The following REDIC1 variants were observed in gnomAD, a reference collection of about 807,000 sequenced individuals.
REDIC1 encodes the protein HEI10 Interacting Protein 1.
At chr12:39,714,270 T>TTTATATATATATACGTATATACATGC in the REDIC1 span, among the ~76,000 whole-genome samples, 3 of 118,054 alleles carry the variant, frequency 2.5e-5, no homozygotes, top group Admixed American at 8.2e-5. Context: ...TGCATATATG[T>TTTATATATATATACGTATATACATGC]ATATATGTAT....
the REDIC1 span, among the ~76,000 whole-genome samples, chr12:39,767,613 A>T: frequency 6.6e-6 from 1 of 152,038 alleles, no homozygotes; most frequent in South Asian, 2.1e-4. Flanking sequence ...AGGCAGTTTC[A>T]TCTACATTGA....
the REDIC1 span, among the ~76,000 whole-genome samples, chr12:39,664,332 T>A: frequency 8.6e-5 from 13 of 151,498 alleles, no homozygotes; most frequent in African/African-American, 3.2e-4. Flanking sequence ...GGTGTTTGGT[T>A]TATTGTCCTT....
chr12:39,837,811 G>T, the REDIC1 span, among the ~76,000 whole-genome samples: 30 of 152,112 alleles, frequency 2.0e-4, no homozygotes, highest in African/African-American at 6.8e-4. Flanking sequence ...ACACCAGTTA[G>T]AATGGCAATC....
At chr12:39,850,129 C>T in the REDIC1 span, among the ~76,000 whole-genome samples, 1 of 152,096 alleles carries the variant, frequency 6.6e-6, no homozygotes, top group South Asian at 2.1e-4. Context: ...CTCCTTTCTC[C>T]TCAGCCTTGG....
the REDIC1 span, among the ~76,000 whole-genome samples, chr12:39,664,755 A>T: frequency 1.3e-5 from 2 of 152,152 alleles, no homozygotes; most frequent in Non-Finnish European, 2.9e-5. Flanking sequence ...CTGGCTTTTT[A>T]ATAATCGCCA....
At chr12:39,896,300 ATATGTATACATATATG>A in the REDIC1 span, among the ~76,000 whole-genome samples, 15 of 143,286 alleles carry the variant, frequency 1.0e-4, no homozygotes, top group African/African-American at 3.6e-4. Context: ...ATGTGTGTAT[ATATGTATACATATATG>A]TATGTATATG....
chr12:39,732,464 A>G, the REDIC1 span, among the ~76,000 whole-genome samples: 1 of 152,142 alleles, frequency 6.6e-6, no homozygotes, highest in East Asian at 1.9e-4. Flanking sequence ...ATTAGCAGCC[A>G]TTGGTGTTCA....
the REDIC1 span, among the ~76,000 whole-genome samples, chr12:39,806,691 A>G: frequency 6.6e-6 from 1 of 152,218 alleles, no homozygotes. Context: ...CAGAAAGTTA[A>G]TATCTTATTA....
At chr12:39,895,572 A>C in the REDIC1 span, among the ~76,000 whole-genome samples, 1 of 143,102 alleles carries the variant, frequency 7.0e-6, no homozygotes, top group East Asian at 2.0e-4. Context: ...ACACACGTGT[A>C]TATGTATATG....
the REDIC1 span, among the ~76,000 whole-genome samples, chr12:39,733,409 A>G: frequency 6.6e-6 from 1 of 152,052 alleles, no homozygotes; most frequent in African/African-American, 2.4e-5. Context: ...CACTTCTATT[A>G]TCAATTTGTT....
the REDIC1 span, chr12:39,626,438 C>T: frequency 6.3e-7 from 1 of 1,575,888 alleles, no homozygotes; most frequent in South Asian, 1.1e-5. Flanking sequence ...GGAGAGGTCA[C>T]AGCCTTAGCT....
At chr12:39,653,585 C>CTTCTTCTTCTTCTTCTTCTTCTTT in the REDIC1 span, among the ~76,000 whole-genome samples, 2 of 75,198 alleles carry the variant, frequency 2.7e-5, no homozygotes, top group Non-Finnish European at 2.7e-5. Flanking sequence ...TCTTCCTCTT[C>CTTCTTCTTCTTCTTCTTCTTCTTT]TTCTTCCTCT....
the REDIC1 span, among the ~76,000 whole-genome samples, chr12:39,896,172 G>T: frequency 6.9e-6 from 1 of 143,982 alleles, no homozygotes; most frequent in African/African-American, 2.6e-5. Flanking sequence ...ATACATATAT[G>T]AATATGTATA....
the REDIC1 span, among the ~76,000 whole-genome samples, chr12:39,864,383 T>C: frequency 5.3e-5 from 8 of 152,238 alleles, no homozygotes; most frequent in Non-Finnish European, 1.0e-4. Context: ...ATGTGCATCT[T>C]GTAAAAGTTT....
the REDIC1 span, chr12:39,802,264 T>C: frequency 1.3e-5 from 2 of 152,200 alleles, no homozygotes; most frequent in Admixed American, 1.3e-4. Context: ...ATGCAGGTCC[T>C]CATATTATGT....
At chr12:39,665,148 A>G in the REDIC1 span, among the ~76,000 whole-genome samples, 1 of 151,968 alleles carries the variant, frequency 6.6e-6, no homozygotes, top group East Asian at 1.9e-4. Flanking sequence ...GTCCTTGCCC[A>G]TGCCTATGTC....
At chr12:39,790,299 T>C in the REDIC1 span, among the ~76,000 whole-genome samples, 9 of 151,676 alleles carry the variant, frequency 5.9e-5, no homozygotes, top group East Asian at 3.9e-4. Flanking sequence ...ATACATGTGC[T>C]GTGCTGGTGC....
the REDIC1 span, among the ~76,000 whole-genome samples, chr12:39,713,578 G>T: frequency 6.7e-6 from 1 of 148,840 alleles, no homozygotes; most frequent in Non-Finnish European, 1.5e-5. Flanking sequence ...GCGTACATAT[G>T]TATACACATG....
At chr12:39,715,003 A>C in the REDIC1 span, among the ~76,000 whole-genome samples, 1 of 151,852 alleles carries the variant, frequency 6.6e-6, no homozygotes, top group Non-Finnish European at 1.5e-5. Flanking sequence ...ATTTTCTCCC[A>C]CTTTGTGGGT....
Sources: gnomAD v4.1 joint callset for allele counts (sites outside exome capture counted in the v4.1 genomes callset) on GRCh38, gnomAD v4.1.1 for gene constraint, MANE v1.5 for transcripts, NCBI Gene and HGNC (gene_info 2026-07-23, HGNC 2026-07-21) for gene names.